HTR2C: variants seen among roughly 807,000 people sequenced by gnomAD.
The protein encoded by HTR2C is 5-hydroxytryptamine (serotonin) receptor 2C, G protein-coupled.
HTR2C carries 5 observed loss-of-function variants against 21.0 expected under a neutral mutation model. The ratio of observed to expected loss-of-function variants is 0.24; its 90% confidence interval spans 0.12 to 0.50. HTR2C has a LOEUF of 0.50. HTR2C is among the 20% of genes least tolerant of loss of function. HTR2C has a pLI of 0.98. For missense variants in HTR2C, 271 were observed against 371.2 expected (o/e 0.73, Z 2.22); for synonymous variants, 150 against 145.3 (o/e 1.03, Z -0.23).
intron 5 of HTR2C, among the ~76,000 whole-genome samples, chrX:114,865,214 C>CAAAT (rs782767117): frequency 2.0e-3 from 221 of 111,667 alleles, no homozygotes; most frequent in Non-Finnish European, 3.1e-3. Flanking sequence ...TGAGGCTAAC[C>CAAAT]AATGTTGTTT....
At chrX:114,745,670 G>A (rs2069696018) in intron 4 of HTR2C, among the ~76,000 whole-genome samples, 1 of 111,750 alleles carries the variant, frequency 8.9e-6, no homozygotes, top group Admixed American at 9.5e-5. Context: ...ATGGAACTGG[G>A]GGTCATTATG....
chrX:114,616,654 T>C (rs1306883194), intron 2 of HTR2C, among the ~76,000 whole-genome samples: 1 of 111,975 alleles, frequency 8.9e-6, no homozygotes, highest in Non-Finnish European at 1.9e-5. Context: ...AACTTAGTAA[T>C]ACCTTCCGTA....
intron 2 of HTR2C, among the ~76,000 whole-genome samples, chrX:114,627,550 A>G (rs889235893): frequency 8.1e-5 from 9 of 111,389 alleles, no homozygotes; most frequent in African/African-American, 2.9e-4. Flanking sequence ...GCTCTAAGCA[A>G]TAAGGTTTAT....
intron 4 of HTR2C, among the ~76,000 whole-genome samples, chrX:114,798,303 G>T (rs1212936539): frequency 9.0e-6 from 1 of 110,543 alleles, no homozygotes; most frequent in African/African-American, 3.3e-5. Context: ...CCATATCCAG[G>T]GTTTGTCCAC....
At chrX:114,836,171 C>G (rs1460173521) in intron 4 of HTR2C, among the ~76,000 whole-genome samples, 3 of 109,454 alleles carry the variant, frequency 2.7e-5, no homozygotes, top group African/African-American at 9.9e-5. Flanking sequence ...TTGTCTGTGC[C>G]CTGCCCCCGG....
chrX:114,716,192 T>G (rs147250662), intron 2 of HTR2C, among the ~76,000 whole-genome samples: 20 of 113,073 alleles, frequency 1.8e-4, no homozygotes, highest in Admixed American at 6.6e-4. Context: ...TTCTGCCCAC[T>G]AAGGCAAATT....
At chrX:114,705,587 C>A (rs1932751797) in intron 2 of HTR2C, among the ~76,000 whole-genome samples, 2 of 106,927 alleles carry the variant, frequency 1.9e-5, no homozygotes, top group Non-Finnish European at 1.9e-5. Context: ...AAAGGTTAGA[C>A]CTAAAACCAT....
chrX:114,677,464 T>C (rs782238529), intron 2 of HTR2C, among the ~76,000 whole-genome samples: 1 of 111,167 alleles, frequency 9.0e-6, no homozygotes, highest in African/African-American at 3.3e-5. Flanking sequence ...AAACCTCAGT[T>C]AACTACAAGA....
At position 114,700,739 on chromosome X, in the gene HTR2C, G is replaced by A. The variant is rs950256259; in HGVS notation, c.-79-26119G>A. Among the ~76,000 whole-genome samples, 14 of 112,581 alleles carry A rather than the reference G, an allele frequency of 1.2e-4. 1 individual carries two copies. In the South Asian group the frequency reaches 5.1e-3, roughly 41 times the overall value. ...AGTGGGTGCAGCGCACTGTGCGCGA[G>A]CCGAAGCACGGCGAGGCATTGCCTC... On this transcript the variant is annotated intron_variant, in intron 2 of 5. Transcript: ENST00000276198.
At chrX:114,694,756 A>C (rs1932227627) in intron 2 of HTR2C, among the ~76,000 whole-genome samples, 1 of 110,378 alleles carries the variant, frequency 9.1e-6, no homozygotes, top group South Asian at 3.8e-4. Flanking sequence ...AGCCTCCCAA[A>C]GTGCTGGGAT....
intron 1 of HTR2C, among the ~76,000 whole-genome samples, chrX:114,591,878 T>A (rs1413536939): frequency 8.9e-6 from 1 of 111,803 alleles, no homozygotes; most frequent in Admixed American, 9.5e-5. Flanking sequence ...TTCAATGTAA[T>A]AATGTAGTTT....
In HTR2C at chrX:114,826,051, C is replaced by T. The variant is rs190522733; in HGVS notation, c.350-21952C>T. Among the ~76,000 whole-genome samples, 568 of 104,705 alleles carry T rather than the reference C, an allele frequency of 5.4e-3. 4 individuals carry two copies. Among genetic ancestry groups the T allele is most frequent in the African/African-American group, 0.019 (538 of 28,877 alleles). The allele number at this position is 104,705 out of a possible 115,157, so 90.9% of individuals were successfully genotyped here. A position where few individuals can be genotyped will look rare whatever the true frequency, so the allele number is the denominator to read the frequency against. On this transcript the variant is annotated intron_variant, in intron 4 of 5. Transcript: ENST00000276198. ...GGTTGAGCATCTCTAGTCCCAAAAT[C>T]TGAAATCTGAAATAATCCAAAATCA...
chrX:114,880,607 C>A (rs1000051736), intron 5 of HTR2C, among the ~76,000 whole-genome samples: 4 of 111,029 alleles, frequency 3.6e-5, no homozygotes, highest in Non-Finnish European at 7.6e-5. Flanking sequence ...TAAGCAAGAA[C>A]GAATTGACTA....
In HTR2C at chrX:114,731,460, A is replaced by G; in HGVS notation, c.202A>G (p.Ile68Val). The G allele has an allele frequency of 2.5e-6, 3 of 1,210,346 alleles. No individual in the cohort carries two copies. Among genetic ancestry groups the G allele is most frequent in the East Asian group, 3.0e-5 (1 of 33,830 alleles). The change falls in exon 4 of 6, where the codon ATA becomes GTA. Residue 68 changes from isoleucine to valine, a missense_variant. Ile to Val is a conservative substitution (Grantham distance 29). This residue lies in a region of HTR2C where 57 missense variants were observed against 64.0 expected (regional missense o/e 0.89). Transcript: ENST00000276198. ...AATCGTCATCATAATAATCATGACA[A>G]TAGGTGGCAACATCCTTGTGATCAT... The part of the protein sequence containing the change: ...LSIVIIIIMT[I>V]GGNILVIMAV...
At chrX:114,847,096 C>G in intron 4 of HTR2C, among the ~76,000 whole-genome samples, 1 of 110,861 alleles carries the variant, frequency 9.0e-6, no homozygotes. Flanking sequence ...ATACATGCTA[C>G]GAAATAGATA....
chrX:114,655,798 C>T (rs1258367511), intron 2 of HTR2C, among the ~76,000 whole-genome samples: 1 of 110,913 alleles, frequency 9.0e-6, no homozygotes, highest in Non-Finnish European at 1.9e-5. Context: ...TAAAACTCTA[C>T]CCTTCTGATT....
At chrX:114,700,323 C>T (rs1450807848) in intron 2 of HTR2C, among the ~76,000 whole-genome samples, 1 of 111,673 alleles carries the variant, frequency 9.0e-6, no homozygotes, top group Non-Finnish European at 1.9e-5. Flanking sequence ...GGAGATAATG[C>T]ACCTTCCCTA....
intron 2 of HTR2C, chrX:114,715,344 A>G (rs1199573555): frequency 2.6e-6 from 1 of 382,455 alleles, no homozygotes; most frequent in Non-Finnish European, 5.2e-6. Flanking sequence ...TTCATGACTC[A>G]GCTGGAACCC....
intron 2 of HTR2C, chrX:114,652,711 C>T (rs1556408717): frequency 2.6e-6 from 1 of 378,155 alleles, no homozygotes; most frequent in South Asian, 2.4e-5. Flanking sequence ...CTTATTTGAG[C>T]ACCTGTTATG....
Sources: allele counts gnomAD v4.1 joint callset (sites outside exome capture counted in the v4.1 genomes callset), GRCh38; gene constraint gnomAD v4.1.1; regional missense constraint gnomAD v4.1.1; transcripts MANE v1.5; gene names NCBI Gene and HGNC (gene_info 2026-07-23, HGNC 2026-07-21).